The following GRIK3 variants were observed in gnomAD, a reference collection of about 807,000 sequenced individuals.
GRIK3 encodes glutamate receptor ionotropic, kainate 3.
A neutral mutation model predicts 102.5 loss-of-function variants in GRIK3; 29 were observed. The observed-to-expected ratio is 0.28, with a 90% confidence interval of 0.21 to 0.39. GRIK3 has a LOEUF of 0.39. GRIK3 is among the 10% of genes least tolerant of loss of function. The probability of loss-of-function intolerance (pLI) is 1.00; values close to 1 mark genes in which losing one functional copy is unlikely to be tolerated. For synonymous variants in GRIK3, 511 were observed against 504.9 expected, an observed-to-expected ratio of 1.01 and a Z score of -0.16; for missense variants, 908 against 1,252.4, an observed-to-expected ratio of 0.73 and a Z score of 4.15.
rs1640969455 is a variant in GRIK3 at position 36,880,978 on chromosome 1, G to A, written c.293-87C>T. On this transcript the variant is annotated intron_variant, in intron 2 of 15. Coordinates refer to ENST00000373091, the MANE Select transcript of GRIK3 (RefSeq NM_000831.4). This position sits in a 1 kb window ranked among gnomAD's most constrained non-coding sequence, Gnocchi z 5.4. The stretch of plus-strand genomic sequence containing the variant: ...ATGCTGATGATCCTGTAAACATGTG[G>A]GAAAAACAGCAACTGGAACCCTCGG... The A allele has an allele frequency of 7.1e-7, 1 of 1,412,258 alleles. No homozygotes were observed. Among genetic ancestry groups the A allele is most frequent in the Non-Finnish European group, 9.5e-7 (1 of 1,047,418 alleles). 87.5% of individuals were successfully genotyped at this position (1,412,258 alleles called of 1,614,324 possible).
intron 3 of GRIK3, among the ~76,000 whole-genome samples, chr1:36,878,954 T>C (rs1640937567): frequency 6.6e-6 from 1 of 152,130 alleles, no homozygotes; most frequent in South Asian, 2.1e-4. Flanking sequence ...TAGGGGACTC[T>C]CCAGGTCTGT....
chr1:36,876,026 T>A (rs1483389095), intron 3 of GRIK3, among the ~76,000 whole-genome samples: 2 of 152,212 alleles, frequency 1.3e-5, no homozygotes, highest in African/African-American at 4.8e-5. Context: ...GATTGTCTTC[T>A]AGAAGGTTCT....
intron 7 of GRIK3, among the ~76,000 whole-genome samples, chr1:36,857,549 G>T (rs1191015105): frequency 6.6e-6 from 1 of 152,214 alleles, no homozygotes; most frequent in African/African-American, 2.4e-5. Flanking sequence ...TAACTGTGAG[G>T]TGGAGTTTGC....
In GRIK3 at chr1:36,945,134, C is replaced by T. The variant is rs112970581; in HGVS notation, c.116-54038G>A. 8.2e-3 allele frequency among the ~76,000 whole-genome samples: 1,250 copies of T among 152,388 alleles called. 18 individuals are homozygous for T. Among genetic ancestry groups the T allele is most frequent in the South Asian group, 0.048 (230 of 4,828 alleles). ...GATCACTGGAGCACAAGGGCGGACG[C>T]CTTTCTCAAGCAGGCCTCATCAAAG... On this transcript the variant is annotated intron_variant, in intron 1 of 15. Transcript: ENST00000373091.
Position 36,880,486 on chromosome 1 carries a change from G to T in GRIK3, c.550+148C>A. ...ACAGGGTGTGAGTGGGTGCAGGGGT[G>T]AACATCAGCATAACCGAGTGGAACT... On this transcript the variant is annotated intron_variant, in intron 3 of 15. Coordinates refer to ENST00000373091, the MANE Select transcript of GRIK3 (RefSeq NM_000831.4). The surrounding 1 kb of genome is among the most constrained non-coding windows in gnomAD (Gnocchi z 5.4). 1.2e-6 allele frequency: 1 copy of T among 811,018 alleles called. No individual in the cohort carries two copies. Among genetic ancestry groups the T allele is most frequent in the Non-Finnish European group, 2.1e-6 (1 of 487,036 alleles). The allele number at this position is 811,018 out of a possible 1,614,324, so 50.2% of individuals were successfully genotyped here. A position where few individuals can be genotyped will look rare whatever the true frequency, so the allele number is the denominator to read the frequency against.
chr1:36,989,643 G>T (rs1481220755), intron 1 of GRIK3, among the ~76,000 whole-genome samples: 1 of 152,084 alleles, frequency 6.6e-6, no homozygotes, highest in Non-Finnish European at 1.5e-5. Flanking sequence ...ACCAAGTCTG[G>T]GCCCCCACTG....
At chr1:36,953,189 C>T (rs777341220) in intron 1 of GRIK3, among the ~76,000 whole-genome samples, 6 of 152,200 alleles carry the variant, frequency 3.9e-5, no homozygotes, top group African/African-American at 7.2e-5. Context: ...TGTCCTTGCC[C>T]CTCCCCCTGC....
intron 1 of GRIK3, among the ~76,000 whole-genome samples, chr1:37,028,278 C>T (rs1221342597): frequency 1.3e-5 from 2 of 152,082 alleles, no homozygotes; most frequent in Non-Finnish European, 2.9e-5. Flanking sequence ...CTGGTGGTTC[C>T]AGTGGGGACA....
At chr1:36,973,878 T>C (rs1195462650) in intron 1 of GRIK3, among the ~76,000 whole-genome samples, 3 of 152,184 alleles carry the variant, frequency 2.0e-5, no homozygotes, top group Non-Finnish European at 4.4e-5. Context: ...GACAGTACCC[T>C]GCCCTTGTCT....
chr1:36,847,728 G>A (rs979686916), intron 9 of GRIK3, among the ~76,000 whole-genome samples: 5 of 152,184 alleles, frequency 3.3e-5, no homozygotes, highest in Admixed American at 1.3e-4. Flanking sequence ...GGCACAGGGC[G>A]GATAAGCAAT....
chr1:36,933,228 C>T (rs1357595898), intron 1 of GRIK3, among the ~76,000 whole-genome samples: 2 of 152,126 alleles, frequency 1.3e-5, no homozygotes, highest in Non-Finnish European at 2.9e-5. Context: ...TTCTGTGCCC[C>T]CCACCCCTGC....
intron 4 of GRIK3, among the ~76,000 whole-genome samples, chr1:36,870,971 G>A (rs1570771394): frequency 3.9e-5 from 6 of 152,200 alleles, no homozygotes; most frequent in Admixed American, 3.3e-4. Flanking sequence ...CTGATCGGGA[G>A]GCTAGGGGTT....
chr1:36,899,364 T>C (rs774379252), intron 1 of GRIK3, among the ~76,000 whole-genome samples: 1 of 152,154 alleles, frequency 6.6e-6, no homozygotes, highest in Non-Finnish European at 1.5e-5. Context: ...TTCGGACATA[T>C]GTTACATCGT....
intron 5 of GRIK3, among the ~76,000 whole-genome samples, chr1:36,864,981 G>A (rs958404292): frequency 6.6e-6 from 1 of 152,126 alleles, no homozygotes; most frequent in African/African-American, 2.4e-5. Flanking sequence ...CAGTATCGAC[G>A]AGGGACCTTT....
At chr1:36,838,311 G>A (rs1047762961) in intron 10 of GRIK3, among the ~76,000 whole-genome samples, 6 of 152,138 alleles carry the variant, frequency 3.9e-5, no homozygotes, top group Admixed American at 1.3e-4. Context: ...AACCCATTTC[G>A]GTTAGATTCC....
At chr1:36,840,872 A>G (rs1442896603) in intron 10 of GRIK3, among the ~76,000 whole-genome samples, 1 of 152,254 alleles carries the variant, frequency 6.6e-6, no homozygotes, top group Non-Finnish European at 1.5e-5. Context: ...GTTTGCTCAC[A>G]GCATCTTACC....
chr1:36,806,039 A>G lies in GRIK3; in HGVS notation c.2314+65T>C. ...GAGCTGTGAGACGGAGTGTGAGGGGACGCGGGGGTGGAGCCCTCCCTCTGC... is the reference window on the plus strand; with the variant it reads ...GAGCTGTGAGACGGAGTGTGAGGGGGCGCGGGGGTGGAGCCCTCCCTCTGC... On this transcript the variant is annotated intron_variant, in intron 14 of 15. Transcript: ENST00000373091. This position sits in a 1 kb window ranked among gnomAD's most constrained non-coding sequence, Gnocchi z 4.0. 1 of 1,022,542 alleles carries G rather than the reference A, an allele frequency of 9.8e-7. No homozygotes were observed. The highest frequency in any genetic ancestry group is 2.4e-5 in the East Asian group (1 of 41,114). 63.3% of individuals were successfully genotyped at this position (1,022,542 alleles called of 1,614,324 possible).
rs1160601171 is a variant in GRIK3, at chr1:36,799,241, T to G, written c.*2610A>C. The G allele has an allele frequency of 6.6e-6, 1 of 152,256 alleles. No individual in the cohort carries two copies. The highest frequency in any genetic ancestry group is 2.4e-5 in the African/African-American group (1 of 41,458). 9.4% of individuals were successfully genotyped at this position (152,256 alleles called of 1,614,324 possible). A position where few individuals can be genotyped will look rare whatever the true frequency, so the allele number is the denominator to read the frequency against. ...CCCCGTCTCCTGGCAAGTGTGCCCA[T>G]GCAACCTTGGAACCTCTCTGTGACA... On this transcript the variant is annotated 3_prime_UTR_variant, in exon 16 of 16. Coordinates refer to ENST00000373091, the MANE Select transcript of GRIK3 (RefSeq NM_000831.4).
intron 1 of GRIK3, among the ~76,000 whole-genome samples, chr1:36,897,528 C>A (rs2124279102): frequency 6.6e-6 from 1 of 152,226 alleles, no homozygotes. Context: ...AAATGGCAAG[C>A]AGGCATATGA....
Sources: gnomAD v4.1 joint callset for allele counts (sites outside exome capture counted in the v4.1 genomes callset) on GRCh38, gnomAD v4.1.1 for gene constraint, Gnocchi (gnomAD v3.1) non-coding constraint, MANE v1.5 for transcripts, NCBI Gene and HGNC (gene_info 2026-07-23, HGNC 2026-07-21) for gene names.